GIMAP1: variants seen among roughly 807,000 people sequenced by gnomAD.
GIMAP1 encodes the protein GTPase, IMAP family member 1.
For missense variants in GIMAP1, 423 were observed against 411.9 expected, an observed-to-expected ratio of 1.03 and a Z score of -0.23; for synonymous variants, 230 against 187.7, an observed-to-expected ratio of 1.23 and a Z score of -1.84.
chr7:150,720,400 G>A lies in GIMAP1; in HGVS notation c.396G>A (p.Val132=). 6.3e-7 allele frequency: 1 copy of A among 1,589,284 alleles called. No homozygotes were observed. Among genetic ancestry groups the A allele is most frequent in the South Asian group, 1.1e-5 (1 of 87,454 alleles). The part of the protein sequence containing the change: ...GRFTAQDQQA[V]RQVRDMFGED... ...TCACCGCCCAGGACCAGCAGGCGGT[G>A]AGGCAGGTGAGGGACATGTTCGGGG... The change falls in exon 3 of 3, where the codon GTG becomes GTA. Residue 132 remains valine (V), a synonymous_variant. Coordinates refer to ENST00000307194, the MANE Select transcript of GIMAP1 (RefSeq NM_130759.4). The surrounding 1 kb of genome is among the most constrained non-coding windows in gnomAD (Gnocchi z 4.5).
intron 2 of GIMAP1, chr7:150,719,344 A>G (rs1215642223): frequency 6.2e-5 from 32 of 516,578 alleles, no homozygotes; most frequent in Non-Finnish European, 1.1e-4. Context: ...ATCACCGCAG[A>G]AGAAGTGCAG....
At position 150,717,097 on chromosome 7, in the gene GIMAP1, G is replaced by A. The variant is rs144374923; in HGVS notation, c.-7+407G>A. On this transcript the variant is annotated intron_variant, in intron 1 of 2. Transcript: ENST00000307194. ...GCCATCTAACCTCGGAGTGAGTTACGACGTGACAAGACTGGGTACATTTGA... is the reference window on the plus strand; with the variant it reads ...GCCATCTAACCTCGGAGTGAGTTACAACGTGACAAGACTGGGTACATTTGA... 9.7e-3 allele frequency among the ~76,000 whole-genome samples: 1,477 copies of A among 152,256 alleles called. 7 individuals are homozygous for A. The highest frequency in any genetic ancestry group is 0.017 in the Middle Eastern group (5 of 294).
Position 150,723,802 on chromosome 7 carries a change from A to G in GIMAP1, c.*2877A>G, listed in dbSNP as rs1178565754. ...ATTGTGTAAATATATATCCATTTCA[A>G]TTGTCCCCCTTCCTCTCCTCTCCTT... On this transcript the variant is annotated 3_prime_UTR_variant, in exon 3 of 3. Coordinates refer to ENST00000307194, the MANE Select transcript of GIMAP1 (RefSeq NM_130759.4). 1.3e-5 allele frequency: 2 copies of G among 152,148 alleles called. No homozygotes were observed. The highest frequency in any genetic ancestry group is 2.4e-5 in the African/African-American group (1 of 41,408). 9.4% of individuals were successfully genotyped at this position (152,148 alleles called of 1,614,324 possible). A position where few individuals can be genotyped will look rare whatever the true frequency, so the allele number is the denominator to read the frequency against.
intron 1 of GIMAP1, among the ~76,000 whole-genome samples, chr7:150,718,307 G>T (rs2116537670): frequency 6.6e-6 from 1 of 152,308 alleles, no homozygotes; most frequent in East Asian, 1.9e-4. Flanking sequence ...TTCAGGAGTT[G>T]AAGGGAAGTG....
chr7:150,718,706 A>G (rs1797250960), intron 1 of GIMAP1, among the ~76,000 whole-genome samples: 2 of 152,082 alleles, frequency 1.3e-5, no homozygotes, highest in African/African-American at 4.8e-5. Flanking sequence ...GCCTCACCCA[A>G]TGTTCTCACA....
Position 150,720,673 on chromosome 7 carries a change from G to A in GIMAP1, c.669G>A (p.Glu223=), listed in dbSNP as rs909435221. ...ACAAGGGCGCCCATTACTCCAACGA[G>A]GTGTATGAGCTGGCGCAGGTGCTGC... is the stretch of plus-strand genomic sequence containing the variant. ...LEHKGAHYSN[E]VYELAQVLRW... Residue 223 remains glutamate, a synonymous_variant, in exon 3 of 3, where the codon GAG becomes GAA. Transcript: ENST00000307194. The surrounding 1 kb of genome is among the most constrained non-coding windows in gnomAD (Gnocchi z 4.5). 6.9e-6 allele frequency: 11 copies of A among 1,602,840 alleles called. No homozygotes were observed. Among genetic ancestry groups the A allele is most frequent in the Non-Finnish European group, 9.4e-6 (11 of 1,174,616 alleles).
rs1563365885 is a variant in GIMAP1 at position 150,720,797 on chromosome 7, TG to T, written c.795del (p.Trp265Ter). The T allele has an allele frequency of 6.3e-7, 1 of 1,590,574 alleles. No homozygotes were observed. Among genetic ancestry groups the T allele is most frequent in the South Asian group, 1.1e-5 (1 of 88,404 alleles). On this transcript the variant is annotated frameshift_variant, in exon 3 of 3. Transcript: ENST00000307194. LOFTEE classifies it low-confidence loss of function (END_TRUNC). The surrounding 1 kb of genome is among the most constrained non-coding windows in gnomAD (Gnocchi z 4.5). The stretch of plus-strand genomic sequence containing the variant: ...GGGCGCCTGGCTGTCGGCCCGGCTG[TG>T]GAAGTGGCTGAAGTCCCCCAGGAGC... ...PWGAWLSARL[W>X]KWLKSPRSWR...
Position 150,718,989 on chromosome 7 carries a change from C to T in GIMAP1, c.-6-53C>T, listed in dbSNP as rs1380736342. ...TGGTTATGCCTATTTGTGGTTATGC[C>T]TATTTGAGGAATAAATAAATGAATT... On this transcript the variant is annotated intron_variant, in intron 1 of 2. Transcript: ENST00000307194. 2.9e-6 allele frequency: 4 copies of T among 1,377,442 alleles called. No homozygotes were observed. The East Asian group carries it at 1.0e-4, about 36-fold the overall frequency. 85.3% of individuals were successfully genotyped at this position (1,377,442 alleles called of 1,614,324 possible). A position where few individuals can be genotyped will look rare whatever the true frequency, so the allele number is the denominator to read the frequency against.
rs781514490 is a variant in GIMAP1, at chr7:150,720,371, C to T, written c.367C>T (p.Arg123Trp). The T allele has an allele frequency of 6.2e-7, 1 of 1,605,260 alleles. No individual in the cohort carries two copies. Among genetic ancestry groups the T allele is most frequent in the Non-Finnish European group, 8.5e-7 (1 of 1,174,498 alleles). ...GCTGCTCCTGGTGACCCAGTTGGGT[C>T]GGTTCACCGCCCAGGACCAGCAGGC... ...HALLLVTQLG[R>W]FTAQDQQAVR... Residue 123 changes from arginine to tryptophan, a missense_variant, in exon 3 of 3, where the codon CGG becomes TGG. Physicochemically the swap from Arg to Trp is moderately radical, Grantham distance 101 (BLOSUM62 -3). Coordinates refer to ENST00000307194, the MANE Select transcript of GIMAP1 (RefSeq NM_130759.4). This position sits in a 1 kb window ranked among gnomAD's most constrained non-coding sequence, Gnocchi z 4.5.
chr7:150,719,916 G>A, intron 2 of GIMAP1, 132 bp from the exon 3 acceptor site: 3 of 1,261,780 alleles, frequency 2.4e-6, no homozygotes, highest in Non-Finnish European at 3.2e-6. Context: ...AAATACAAAA[G>A]GAAAAGGTGG....
rs370798324 is a variant in GIMAP1 at position 150,720,431 on chromosome 7, G to A, written c.427G>A (p.Val143Ile). 10 of 1,574,484 alleles carry A rather than the reference G, an allele frequency of 6.4e-6. No homozygotes were observed. Among genetic ancestry groups the A allele is most frequent in the African/African-American group, 1.3e-5 (1 of 74,292 alleles). The change falls in exon 3 of 3, where the codon GTC becomes ATC. Residue 143 changes from valine (V) to isoleucine (I), a missense_variant. Transcript: ENST00000307194. The surrounding 1 kb of genome is among the most constrained non-coding windows in gnomAD (Gnocchi z 4.5). ...GGTGAGGGACATGTTCGGGGAGGACGTCCTAAAATGGATGGTCATCGTCTT... is the reference window on the plus strand; with the variant it reads ...GGTGAGGGACATGTTCGGGGAGGACATCCTAAAATGGATGGTCATCGTCTT... ...RQVRDMFGED[V>I]LKWMVIVFTR... is the part of the protein sequence containing the mutation.
intron 1 of GIMAP1, among the ~76,000 whole-genome samples, chr7:150,717,860 A>T (rs555753206): frequency 1.3e-5 from 2 of 152,196 alleles, no homozygotes; most frequent in Admixed American, 6.5e-5. Flanking sequence ...TCCTGCAGAA[A>T]CAGAAACAGC....
chr7:150,719,356 G>A (rs559313165), intron 2 of GIMAP1: 77 of 474,618 alleles, frequency 1.6e-4, no homozygotes, highest in Non-Finnish European at 2.6e-4. Context: ...GAAGTGCAGA[G>A]GGGATTAAAT....
intron 1 of GIMAP1, among the ~76,000 whole-genome samples, chr7:150,717,424 A>C (rs997510894): frequency 6.6e-6 from 1 of 152,250 alleles, no homozygotes; most frequent in Non-Finnish European, 1.5e-5. Flanking sequence ...TCTGAGAAGC[A>C]GCACATTTGA....
Position 150,721,046 on chromosome 7 carries a change from A to G in GIMAP1, c.*121A>G. 1.0e-6 allele frequency: 1 copy of G among 999,760 alleles called. No individual in the cohort carries two copies. The highest frequency in any genetic ancestry group is 1.4e-6 in the Non-Finnish European group (1 of 732,604). 61.9% of individuals were successfully genotyped at this position (999,760 alleles called of 1,614,324 possible). ...GTTTCAGGCATAGTTTTAATGACAC[A>G]GAAAACTTTGCTGCATCACCTTTGC... On this transcript the variant is annotated 3_prime_UTR_variant, in exon 3 of 3. Transcript: ENST00000307194.
Position 150,720,035 on chromosome 7 carries a change from C to T in GIMAP1, c.44-13C>T. 1 of 1,555,992 alleles carries T rather than the reference C, an allele frequency of 6.4e-7. No individual in the cohort carries two copies. The highest frequency in any genetic ancestry group is 8.7e-7 in the Non-Finnish European group (1 of 1,149,542). Reference sequence around the variant, plus strand: ...GTTAAACTTAAGTAAGATTATAACACTTGGTCTCACAGGTTTAGAAGAGAA... The same window carrying T: ...GTTAAACTTAAGTAAGATTATAACATTTGGTCTCACAGGTTTAGAAGAGAA... On this transcript the variant is annotated splice_polypyrimidine_tract_variant and intron_variant, in intron 2 of 2. Transcript: ENST00000307194. The surrounding 1 kb of genome is among the most constrained non-coding windows in gnomAD (Gnocchi z 4.5).
rs1341911414 is a variant in GIMAP1, at chr7:150,720,107, A to G, written c.103A>G (p.Arg35Gly). ...CACGCGGAGGCTCATCCTTGTTGGG[A>G]GAACAGGGGCCGGGAAGAGCGCCAC... ...ESTRRLILVG[R>G]TGAGKSATGN... The change falls in exon 3 of 3, where the codon AGA (arginine) becomes GGA (glycine). Residue 35 changes from arginine (R) to glycine (G), a missense_variant. Transcript: ENST00000307194. This position sits in a 1 kb window ranked among gnomAD's most constrained non-coding sequence, Gnocchi z 4.5. 2.5e-6 allele frequency: 4 copies of G among 1,613,650 alleles called. No homozygotes were observed. The Admixed American group carries it at 6.7e-5, about 27-fold the overall frequency.
chr7:150,718,959 G>A (rs1267888634), intron 1 of GIMAP1, 83 bp from the exon 2 acceptor site: 2 of 1,329,194 alleles, frequency 1.5e-6, no homozygotes, highest in African/African-American at 1.6e-5. Flanking sequence ...CTGACACCCT[G>A]TAGGTGGTTA....
rs183378432 is a variant in GIMAP1 at position 150,720,553 on chromosome 7, C to T, written c.549C>T (p.Gly183=). The part of the protein sequence containing the change: ...ALRELVAECG[G]RVCAFDNRAT... ...GCGAGCTGGTGGCCGAGTGCGGGGG[C>T]CGGGTCTGTGCCTTTGATAACCGGG... Residue 183 remains glycine (G), a synonymous_variant, in exon 3 of 3, where the codon GGC becomes GGT. Coordinates refer to ENST00000307194, the MANE Select transcript of GIMAP1 (RefSeq NM_130759.4). This position sits in a 1 kb window ranked among gnomAD's most constrained non-coding sequence, Gnocchi z 4.5. 85 of 1,612,634 alleles carry T rather than the reference C, an allele frequency of 5.3e-5. 1 individual carries two copies. The East Asian group carries it at 1.6e-3, about 31-fold the overall frequency.
Sources: gnomAD v4.1 joint callset for allele counts (sites outside exome capture counted in the v4.1 genomes callset) on GRCh38, gnomAD v4.1.1 for gene constraint, Gnocchi (gnomAD v3.1) non-coding constraint, MANE v1.5 for transcripts, NCBI Gene and HGNC (gene_info 2026-07-23, HGNC 2026-07-21) for gene names.